Variants in SGTB observed in about 807,000 individuals in gnomAD.
SGTB encodes small glutamine rich tetratricopeptide repeat co-chaperone beta, also known as small glutamine-rich tetratricopeptide repeat-containing protein beta.
SGTB carries 19 observed loss-of-function variants against 43.9 expected under a neutral mutation model. The observed-to-expected ratio is 0.43, with a 90% confidence interval of 0.30 to 0.63. SGTB has a LOEUF of 0.63. Among genes scored for constraint, SGTB ranks in the 30% least tolerant of loss-of-function variants. The pLI, the probability that SGTB is intolerant of heterozygous loss-of-function variation, is 0.12. For missense variants in SGTB, 304 were observed against 358.9 expected (o/e 0.85, Z 1.24); for synonymous variants, 116 against 117.3 (o/e 0.99, Z 0.07).
At chr5:65,674,930 CTT>C (rs1167625608) in intron 8 of SGTB, among the ~76,000 whole-genome samples, 1 of 152,170 alleles carries the variant, frequency 6.6e-6, no homozygotes, top group Admixed American at 6.5e-5. Flanking sequence ...GCTAAAAAGA[CTT>C]ATCTCACTGG....
At chr5:65,672,052 G>C in intron 9 of SGTB, 54 bp from the exon 10 acceptor site, 1 of 1,597,044 alleles carries the variant, frequency 6.3e-7, no homozygotes, top group Non-Finnish European at 8.6e-7. Context: ...TTAACAAATA[G>C]GACAACTGGA....
intron 6 of SGTB, among the ~76,000 whole-genome samples, chr5:65,683,291 C>CAGA (rs1252623048): frequency 6.6e-6 from 1 of 152,160 alleles, no homozygotes; most frequent in Non-Finnish European, 1.5e-5. Context: ...TCACCTTATT[C>CAGA]ACCCTCAGTT....
intron 6 of SGTB, 141 bp downstream of exon 6, chr5:65,685,227 G>A (rs1376529916): frequency 3.0e-6 from 2 of 655,750 alleles, no homozygotes; most frequent in South Asian, 4.8e-5. Context: ...AGAAATTGTA[G>A]TCATTTCCTC....
intron 2 of SGTB, among the ~76,000 whole-genome samples, chr5:65,720,138 G>A (rs1227454152): frequency 6.8e-6 from 1 of 146,344 alleles, no homozygotes; most frequent in Non-Finnish European, 1.5e-5. Flanking sequence ...CTGGAGTGCA[G>A]TGGTGTGATC....
Position 65,670,122 on chromosome 5 carries a change from C to T in SGTB, c.*124G>A. The T allele has an allele frequency of 1.4e-6, 1 of 718,212 alleles. No homozygotes were observed. The highest frequency in any genetic ancestry group is 2.0e-5 in the South Asian group (1 of 50,934). 44.5% of individuals were successfully genotyped at this position (718,212 alleles called of 1,614,324 possible). A position where few individuals can be genotyped will look rare whatever the true frequency, so the allele number is the denominator to read the frequency against. On this transcript the variant is annotated 3_prime_UTR_variant, in exon 11 of 11. Coordinates refer to ENST00000381007, the MANE Select transcript of SGTB (RefSeq NM_019072.3). ...AGAATATACACAAGAGGTTTTCCTC[C>T]ATTATTTTCACACATCAGATATGGT...
At chr5:65,708,983 G>C (rs182385623) in intron 3 of SGTB, among the ~76,000 whole-genome samples, 1 of 151,944 alleles carries the variant, frequency 6.6e-6, no homozygotes, top group Non-Finnish European at 1.5e-5. Context: ...AGAGGTTGCA[G>C]TGAGCTGAGA....
At chr5:65,708,963 C>T (rs1052567039) in intron 3 of SGTB, among the ~76,000 whole-genome samples, 1 of 151,886 alleles carries the variant, frequency 6.6e-6, no homozygotes, top group African/African-American at 2.4e-5. Flanking sequence ...ATGGCTTGAG[C>T]CCAGGAGGCA....
rs539700640 is a variant in SGTB at position 65,698,730 on chromosome 5, T to C, written c.374+5549A>G. Reference sequence around the variant, plus strand: ...CCCACCAAAAAGTGGGCAAATGACATGAATAGACATTTCTCAAAGTATACA... The same window carrying C: ...CCCACCAAAAAGTGGGCAAATGACACGAATAGACATTTCTCAAAGTATACA... On this transcript the variant is annotated intron_variant, in intron 5 of 10. Transcript: ENST00000381007. Among the ~76,000 whole-genome samples the C allele has an allele frequency of 2.6e-5, 4 of 152,194 alleles. No individual in the cohort carries two copies. The South Asian group carries it at 6.2e-4, about 24-fold the overall frequency.
chr5:65,683,808 T>C lies in SGTB; in HGVS notation c.479+1560A>G, dbSNP rs537974519. ...AAAAATACAAAAAATTAGCTGGGCA[T>C]GGTGGCGGGTGCCTGTAGTCCCAGC... On this transcript the variant is annotated intron_variant, in intron 6 of 10. Transcript: ENST00000381007. Among the ~76,000 whole-genome samples, 8 of 151,948 alleles carry C rather than the reference T, an allele frequency of 5.3e-5. No homozygotes were observed. The South Asian group carries it at 1.7e-3, about 32-fold the overall frequency.
chr5:65,672,324 TGTA>T, intron 8 of SGTB, 43 bp from the exon 9 acceptor site: 1 of 1,597,196 alleles, frequency 6.3e-7, no homozygotes, highest in Non-Finnish European at 8.5e-7. Flanking sequence ...GCAGTTAATA[TGTA>T]GGGATCTTAG....
Position 65,671,637 on chromosome 5 carries a change from CCGGGGG to C in SGTB, c.803+272_803+277del, listed in dbSNP as rs1443938541. 1.3e-4 allele frequency among the ~76,000 whole-genome samples: 9 copies of C among 70,514 alleles called. No homozygotes were observed. In the South Asian group the frequency reaches 4.1e-3, roughly 32 times the overall value. 46.3% of individuals were successfully genotyped at this position (70,514 alleles called of 152,430 possible). On this transcript the variant is annotated intron_variant, in intron 10 of 10. Coordinates refer to ENST00000381007, the MANE Select transcript of SGTB (RefSeq NM_019072.3). ...GTCCCAAAAAATAAAGCATAATGAA[CCGGGGG>C]CGGGGGTGGGGGTGGGGGGAAGCAT...
intron 2 of SGTB, among the ~76,000 whole-genome samples, chr5:65,714,838 T>A (rs1487499409): frequency 6.6e-6 from 1 of 152,082 alleles, no homozygotes; most frequent in Non-Finnish European, 1.5e-5. Flanking sequence ...AAGTCTGTCA[T>A]TAGATGACAA....
At chr5:65,672,116 T>C in intron 9 of SGTB, 118 bp from the exon 10 acceptor site, 2 of 1,567,976 alleles carry the variant, frequency 1.3e-6, no homozygotes, top group Admixed American at 1.7e-5. Context: ...GCCAAATGTG[T>C]GTGGCTTTAA....
rs185529677 is a variant in SGTB at position 65,681,367 on chromosome 5, A to G, written c.480-573T>C. On this transcript the variant is annotated intron_variant, in intron 6 of 10. Coordinates refer to ENST00000381007, the MANE Select transcript of SGTB (RefSeq NM_019072.3). ...TAACAAATTATACCAGGCACAAGTC[A>G]AAGAGGTATTAAATTTTAATGTTCA... 3.2e-3 allele frequency among the ~76,000 whole-genome samples: 485 copies of G among 152,346 alleles called. 1 individual carries two copies. The highest frequency in any genetic ancestry group is 4.4e-3 in the Non-Finnish European group (297 of 68,030).
intron 2 of SGTB, among the ~76,000 whole-genome samples, chr5:65,716,200 C>T (rs1758146847): frequency 1.3e-5 from 2 of 152,138 alleles, no homozygotes; most frequent in African/African-American, 4.8e-5. Context: ...CCAGCCAGAG[C>T]AAAAGCCCTT....
intron 5 of SGTB, among the ~76,000 whole-genome samples, chr5:65,690,709 A>G (rs1050013580): frequency 6.6e-6 from 1 of 152,190 alleles, no homozygotes; most frequent in Non-Finnish European, 1.5e-5. Flanking sequence ...ATTTTATGTA[A>G]AAAACGTACA....
intron 10 of SGTB, among the ~76,000 whole-genome samples, chr5:65,671,587 A>G (rs1206234657): frequency 6.6e-6 from 1 of 151,908 alleles, no homozygotes; most frequent in African/African-American, 2.4e-5. Flanking sequence ...AGAAAAGAAG[A>G]AAAAGATTCT....
At chr5:65,672,053 G>A in intron 9 of SGTB, 55 bp from the exon 10 acceptor site, 3 of 1,598,392 alleles carry the variant, frequency 1.9e-6, no homozygotes. Context: ...TAACAAATAG[G>A]ACAACTGGAC....
chr5:65,716,456 C>T (rs1166856447), intron 2 of SGTB, among the ~76,000 whole-genome samples: 1 of 152,200 alleles, frequency 6.6e-6, no homozygotes, highest in East Asian at 1.9e-4. Context: ...GAGGCTATCA[C>T]ACTAAAACAG....
Sources: allele counts gnomAD v4.1 joint callset (sites outside exome capture counted in the v4.1 genomes callset), GRCh38; gene constraint gnomAD v4.1.1; transcripts MANE v1.5; gene names NCBI Gene and HGNC (gene_info 2026-07-23, HGNC 2026-07-21).